Variants in SH3RF3 observed in about 807,000 individuals in gnomAD.
The protein encoded by SH3RF3 is E3 ubiquitin-protein ligase SH3RF3.
In SH3RF3, 29 loss-of-function variants were observed where a neutral mutation model predicts 66.3. That is an observed-to-expected ratio of 0.44 (90% CI 0.33 to 0.60). The LOEUF (loss-of-function observed/expected upper bound fraction) is 0.60. SH3RF3 is among the 20% of genes least tolerant of loss of function. SH3RF3 has a pLI of 0.04. For synonymous variants in SH3RF3, 583 were observed against 532.0 expected (o/e 1.10, Z -1.32); for missense variants, 1,194 against 1,190.9 (o/e 1.00, Z -0.04).
At chr2:109,258,923 G>C (rs1245750973) in intron 1 of SH3RF3, among the ~76,000 whole-genome samples, 1 of 152,192 alleles carries the variant, frequency 6.6e-6, no homozygotes, top group African/African-American at 2.4e-5. Context: ...GCTGCAGAGA[G>C]ACCCTCTCTG....
Position 109,270,718 on chromosome 2 carries a change from C to G in SH3RF3, c.574-76956C>G, listed in dbSNP as rs532824488. Reference sequence around the variant, plus strand: ...GGTGTCTGGAGCATCCTTTGGAGACCGTTCCTGGACTGTTACTCCTCTTAT... The same window carrying G: ...GGTGTCTGGAGCATCCTTTGGAGACGGTTCCTGGACTGTTACTCCTCTTAT... On this transcript the variant is annotated intron_variant, in intron 1 of 9. Transcript: ENST00000309415. 2.6e-5 allele frequency among the ~76,000 whole-genome samples: 4 copies of G among 152,320 alleles called. No individual in the cohort carries two copies. In the East Asian group the frequency reaches 7.7e-4, roughly 29 times the overall value.
intron 2 of SH3RF3, among the ~76,000 whole-genome samples, chr2:109,351,437 G>C (rs1207135629): frequency 6.6e-6 from 1 of 152,236 alleles, no homozygotes; most frequent in Non-Finnish European, 1.5e-5. Context: ...TGCAGGAGAA[G>C]AATGTGAACT....
At chr2:109,332,632 G>A (rs1041576696) in intron 1 of SH3RF3, among the ~76,000 whole-genome samples, 2 of 152,160 alleles carry the variant, frequency 1.3e-5, no homozygotes, top group East Asian at 1.9e-4. Flanking sequence ...GGGCTGCCCC[G>A]TGGGTGGAAC....
rs1677432385 is a variant in SH3RF3, at chr2:109,437,277, G to C, written c.1828+131G>C. ...TGGTGGCAGCTTCATGGCAGCTGGA[G>C]AAACTTAAGGAAAACCGGTTTGGCC... On this transcript the variant is annotated intron_variant, in intron 7 of 9. Transcript: ENST00000309415. 15 of 1,378,952 alleles carry C rather than the reference G, an allele frequency of 1.1e-5. No homozygotes were observed. In the East Asian group the frequency reaches 3.8e-4, roughly 35 times the overall value. 85.4% of individuals were successfully genotyped at this position (1,378,952 alleles called of 1,614,324 possible). A position where few individuals can be genotyped will look rare whatever the true frequency, so the allele number is the denominator to read the frequency against.
intron 3 of SH3RF3, among the ~76,000 whole-genome samples, chr2:109,390,170 G>C (rs1675946247): frequency 6.6e-6 from 1 of 152,232 alleles, no homozygotes; most frequent in Non-Finnish European, 1.5e-5. Context: ...TCCCAACAGA[G>C]AGACTTCCCT....
intron 2 of SH3RF3, among the ~76,000 whole-genome samples, chr2:109,351,653 G>A (rs372895034): frequency 3.9e-5 from 6 of 152,212 alleles, no homozygotes; most frequent in Admixed American, 3.3e-4. Flanking sequence ...CAGAGGCCAC[G>A]GGGTTTTCTC....
In SH3RF3 at chr2:109,403,102, TAGAA is replaced by T. The variant is rs573148995; in HGVS notation, c.1299+4162_1299+4165del. Among the ~76,000 whole-genome samples, 989 of 152,282 alleles carry T rather than the reference TAGAA, an allele frequency of 6.5e-3. 10 individuals are homozygous for T. The highest frequency in any genetic ancestry group is 0.023 in the African/African-American group (953 of 41,556). ...CTCTTTCTTTGGTGTTGTCTTAAAA[TAGAA>T]AGGAAGCGTGCGTCTGTGGTTTCTA... On this transcript the variant is annotated intron_variant, in intron 4 of 9. Transcript: ENST00000309415.
chr2:109,336,186 C>T (rs2105508367), intron 1 of SH3RF3, among the ~76,000 whole-genome samples: 1 of 152,274 alleles, frequency 6.6e-6, no homozygotes, highest in East Asian at 1.9e-4. Flanking sequence ...TCAAAAATCA[C>T]CACGTGCCTA....
At position 109,242,059 on chromosome 2, in the gene SH3RF3, T is replaced by C. The variant is rs183746551; in HGVS notation, c.574-105615T>C. 3.5e-4 allele frequency among the ~76,000 whole-genome samples: 53 copies of C among 152,078 alleles called. 2 individuals carry two copies. In the East Asian group the frequency reaches 9.7e-3, roughly 28 times the overall value. On this transcript the variant is annotated intron_variant, in intron 1 of 9. Coordinates refer to ENST00000309415, the MANE Select transcript of SH3RF3 (RefSeq NM_001099289.3). ...TCGTCCTGCAAGTGGCTGGCTCTGG[T>C]GTAGACGGGGGTGTCATAGGTAGCC...
Position 109,446,743 on chromosome 2 carries a change from T to G in SH3RF3, c.1829-2427T>G, listed in dbSNP as rs1478055340. On this transcript the variant is annotated intron_variant, in intron 7 of 9. Transcript: ENST00000309415. ...GAGGGGAGAGTATTAGGAGGTGAGGTTGGAGCTTGCTGGAACACACTCCCT... is the reference window on the plus strand; with the variant it reads ...GAGGGGAGAGTATTAGGAGGTGAGGGTGGAGCTTGCTGGAACACACTCCCT... 2.8e-5 allele frequency among the ~76,000 whole-genome samples: 4 copies of G among 144,958 alleles called. No individual in the cohort carries two copies. The South Asian group carries it at 6.8e-4, about 25-fold the overall frequency.
intron 1 of SH3RF3, among the ~76,000 whole-genome samples, chr2:109,207,965 G>A (rs1162616108): frequency 6.6e-6 from 1 of 152,144 alleles, no homozygotes; most frequent in East Asian, 1.9e-4. Context: ...CTCTTACACA[G>A]TTGAGCATTC....
chr2:109,227,689 T>C (rs1658692140), intron 1 of SH3RF3, among the ~76,000 whole-genome samples: 1 of 152,222 alleles, frequency 6.6e-6, no homozygotes, highest in South Asian at 2.1e-4. Context: ...CTGTGCTCCC[T>C]GCAGGTCACA....
At chr2:109,249,508 T>C (rs1680012564) in intron 1 of SH3RF3, among the ~76,000 whole-genome samples, 1 of 53,546 alleles carries the variant, frequency 1.9e-5, no homozygotes, top group African/African-American at 7.4e-5. Context: ...TTTCTTTCTT[T>C]CATTCTTTCT....
At chr2:109,436,101 C>T (rs1677391026) in intron 6 of SH3RF3, among the ~76,000 whole-genome samples, 1 of 152,188 alleles carries the variant, frequency 6.6e-6, no homozygotes, top group Non-Finnish European at 1.5e-5. Context: ...TGTTCTCCCA[C>T]CTGTGGCTTC....
chr2:109,337,412 T>A (rs937455270), intron 1 of SH3RF3, among the ~76,000 whole-genome samples: 1 of 152,218 alleles, frequency 6.6e-6, no homozygotes, highest in African/African-American at 2.4e-5. Flanking sequence ...GTGTGTGGTG[T>A]CCTTAGCGCC....
At chr2:109,130,712 A>G (rs1293381670) in intron 1 of SH3RF3, among the ~76,000 whole-genome samples, 1 of 152,178 alleles carries the variant, frequency 6.6e-6, no homozygotes, top group African/African-American at 2.4e-5. Context: ...CCAGAAGCCA[A>G]GGTCTTCTCC....
chr2:109,386,413 GT>G (rs1675823870), intron 3 of SH3RF3, among the ~76,000 whole-genome samples: 1 of 150,488 alleles, frequency 6.6e-6, no homozygotes, highest in African/African-American at 2.4e-5. Flanking sequence ...GTTACAAGAA[GT>G]TTAAAAAAAA....
intron 1 of SH3RF3, among the ~76,000 whole-genome samples, chr2:109,290,540 A>G (rs1348916824): frequency 1.3e-5 from 2 of 152,246 alleles, no homozygotes; most frequent in African/African-American, 4.8e-5. Context: ...TAGCTAGGCT[A>G]TGTCCTCTGA....
chr2:109,232,228 CCAACAACATAGGAGAATTACAGTT>C (rs1173531742), intron 1 of SH3RF3, among the ~76,000 whole-genome samples: 1 of 152,202 alleles, frequency 6.6e-6, no homozygotes, highest in African/African-American at 2.4e-5. Context: ...TCACTACCAC[CCAACAACATAGGAGAATTACAGTT>C]CCCCATATCC....
Sources: allele counts gnomAD v4.1 joint callset (sites outside exome capture counted in the v4.1 genomes callset), GRCh38; gene constraint gnomAD v4.1.1; transcripts MANE v1.5; gene names NCBI Gene and HGNC (gene_info 2026-07-23, HGNC 2026-07-21).